CDH4: variants seen among roughly 807,000 people sequenced by gnomAD.
The protein encoded by CDH4 is cadherin-4.
A neutral mutation model predicts 86.0 loss-of-function variants in CDH4; 33 were observed. The ratio of observed to expected loss-of-function variants is 0.38; its 90% CI spans 0.29 to 0.51. The LOEUF is 0.51. CDH4 is among the 20% of genes least tolerant of loss of function. CDH4 has a pLI of 0.86. For synonymous variants in CDH4, 555 were observed against 549.4 expected (o/e 1.01, Z -0.14); for missense variants, 1,114 against 1,307.4 (o/e 0.85, Z 2.28).
intron 2 of CDH4, among the ~76,000 whole-genome samples, chr20:61,696,617 G>A (rs1439943723): frequency 6.6e-6 from 1 of 152,202 alleles, no homozygotes; most frequent in Non-Finnish European, 1.5e-5. Flanking sequence ...GAGGCTTGAG[G>A]GGGTACTCTG....
intron 2 of CDH4, among the ~76,000 whole-genome samples, chr20:61,474,795 T>C (rs1351401025): frequency 6.6e-6 from 1 of 152,234 alleles, no homozygotes; most frequent in Non-Finnish European, 1.5e-5. Flanking sequence ...AAATCCCTGC[T>C]GTGGCAGATG....
In CDH4 at chr20:61,934,190, C is replaced by G; in HGVS notation, c.2514C>G (p.His838Gln). 1 of 1,581,286 alleles carries G rather than the reference C, an allele frequency of 6.3e-7. No homozygotes were observed. The highest frequency in any genetic ancestry group is 1.1e-5 in the South Asian group (1 of 88,542). ...PQYPIRPMVP[H>Q]PGDIGDFINE... The stretch of plus-strand genomic sequence containing the variant: ...ACCCGATCAGGCCCATGGTGCCGCA[C>G]CCAGGCGACATCGGTGACTTCATCA... Residue 838 changes from histidine to glutamine, a missense_variant, in exon 15 of 16, where the codon CAC becomes CAG. Around this residue, in one of 3 missense-constraint regions of CDH4, gnomAD observed 188 missense variants for 183.8 expected, o/e 1.02. Coordinates refer to ENST00000614565, the MANE Select transcript of CDH4 (RefSeq NM_001794.5).
intron 4 of CDH4, 76 bp from the exon 5 acceptor site, chr20:61,844,592 G>C (rs966368562): frequency 2.6e-5 from 37 of 1,404,772 alleles, no homozygotes; most frequent in Non-Finnish European, 3.6e-5. Flanking sequence ...CATGAGAGGG[G>C]ATGAATGTCA....
Position 61,852,326 on chromosome 20 carries a change from G to A in CDH4, c.733-428G>A, listed in dbSNP as rs118146164. ...TCCCCTGGGGACTAACCTTACAGTGGCAGGAGTTAAGCCCCCGCCCAATTA... is the reference window on the plus strand; with the variant it reads ...TCCCCTGGGGACTAACCTTACAGTGACAGGAGTTAAGCCCCCGCCCAATTA... On this transcript the variant is annotated intron_variant, in intron 5 of 15. Transcript: ENST00000614565. 9.2e-5 allele frequency among the ~76,000 whole-genome samples: 14 copies of A among 152,356 alleles called. No individual in the cohort carries two copies. The East Asian group carries it at 2.7e-3, about 29-fold the overall frequency.
rs574738225 is a variant in CDH4, at chr20:61,588,142, G to T, written c.170-155421G>T. Among the ~76,000 whole-genome samples the T allele has an allele frequency of 1.3e-4, 20 of 152,280 alleles. No homozygotes were observed. In the South Asian group the frequency reaches 3.3e-3, roughly 25 times the overall value. ...CTTAGCCAAGCGCTTAGCCTGCCAC[G>T]ACCCTTCTGGAAATGTTACCTGTTA... On this transcript the variant is annotated intron_variant, in intron 2 of 15. Coordinates refer to ENST00000614565, the MANE Select transcript of CDH4 (RefSeq NM_001794.5).
At chr20:61,521,360 A>T (rs1283833806) in intron 2 of CDH4, among the ~76,000 whole-genome samples, 1 of 152,144 alleles carries the variant, frequency 6.6e-6, no homozygotes, top group Non-Finnish European at 1.5e-5. Context: ...TCACTTGGGG[A>T]GTATATTTTA....
intron 2 of CDH4, among the ~76,000 whole-genome samples, chr20:61,396,389 G>A (rs764064566): frequency 6.6e-5 from 10 of 152,138 alleles, no homozygotes; most frequent in South Asian, 4.1e-4. Flanking sequence ...CATGGAGCTC[G>A]GCAAGAGGCT....
chr20:61,890,703 T>C (rs1408209188), intron 7 of CDH4, among the ~76,000 whole-genome samples: 1 of 152,194 alleles, frequency 6.6e-6, no homozygotes, highest in Non-Finnish European at 1.5e-5. Flanking sequence ...CAAAGTAGGA[T>C]ATAGCACCCA....
intron 2 of CDH4, among the ~76,000 whole-genome samples, chr20:61,362,001 T>C (rs1263829788): frequency 6.6e-6 from 1 of 152,232 alleles, no homozygotes; most frequent in Admixed American, 6.5e-5. Flanking sequence ...GACCAGCAAG[T>C]GTCTTGCCCA....
chr20:61,671,363 G>T (rs1420419647), intron 2 of CDH4, among the ~76,000 whole-genome samples: 1 of 152,178 alleles, frequency 6.6e-6, no homozygotes, highest in African/African-American at 2.4e-5. Flanking sequence ...GGGCACAGTG[G>T]CACACACCTG....
chr20:61,720,466 A>G (rs947777782), intron 2 of CDH4, among the ~76,000 whole-genome samples: 1 of 104,942 alleles, frequency 9.5e-6, no homozygotes, highest in Non-Finnish European at 1.9e-5. Context: ...GGAGGGGTGA[A>G]GGGGTGGAGA....
chr20:61,608,819 C>T (rs760860672), intron 2 of CDH4, among the ~76,000 whole-genome samples: 15 of 152,246 alleles, frequency 9.9e-5, no homozygotes, highest in Admixed American at 5.2e-4. Flanking sequence ...ATCAGCCAAA[C>T]GCGGGGTGGT....
chr20:61,655,686 A>AG (rs1370976574), intron 2 of CDH4, among the ~76,000 whole-genome samples: 32 of 152,324 alleles, frequency 2.1e-4, no homozygotes, highest in African/African-American at 7.7e-4. Flanking sequence ...CAGCTCTGAA[A>AG]GCAGCCTCCG....
rs2088525326 is a variant in CDH4 at position 61,753,693 on chromosome 20, A to G, written c.396+9904A>G. On this transcript the variant is annotated intron_variant, in intron 3 of 15. Transcript: ENST00000614565. ...ATAGGACCTGTGGGTATGGTTTGCA[A>G]AAAAAGAAACTGTTGTTTATGAAAC... is the stretch of plus-strand genomic sequence containing the variant. Among the ~76,000 whole-genome samples, 8 of 152,322 alleles carry G rather than the reference A, an allele frequency of 5.3e-5. No individual in the cohort carries two copies. The South Asian group carries it at 1.7e-3, about 32-fold the overall frequency.
At chr20:61,325,330 C>G (rs2084531182) in intron 2 of CDH4, among the ~76,000 whole-genome samples, 1 of 152,102 alleles carries the variant, frequency 6.6e-6, no homozygotes. Context: ...GGCCGTAAGG[C>G]AAATCCAAAG....
At chr20:61,379,467 A>T (rs2145444779) in intron 2 of CDH4, among the ~76,000 whole-genome samples, 1 of 152,290 alleles carries the variant, frequency 6.6e-6, no homozygotes, top group Non-Finnish European at 1.5e-5. Context: ...AAGTTAATCC[A>T]ACATCCGAAT....
chr20:61,670,159 G>A, intron 2 of CDH4, among the ~76,000 whole-genome samples: 1 of 152,186 alleles, frequency 6.6e-6, no homozygotes, highest in East Asian at 1.9e-4. Context: ...GACATGCAGG[G>A]AAATATGGAT....
intron 11 of CDH4, 75 bp downstream of exon 11, chr20:61,924,551 C>A: frequency 6.6e-7 from 1 of 1,522,612 alleles, no homozygotes; most frequent in Non-Finnish European, 8.9e-7. Flanking sequence ...AGGGAGGGTG[C>A]TGGCCAGGGA....
chr20:61,364,710 G>A (rs1470267060), intron 2 of CDH4, among the ~76,000 whole-genome samples: 2 of 152,212 alleles, frequency 1.3e-5, no homozygotes, highest in East Asian at 1.9e-4. Context: ...TCTGACCTCT[G>A]TCTTGCTTCT....
Sources: gnomAD v4.1 joint callset for allele counts (sites outside exome capture counted in the v4.1 genomes callset) on GRCh38, gnomAD v4.1.1 for gene constraint, gnomAD v4.1.1 regional missense constraint, MANE v1.5 for transcripts, NCBI Gene and HGNC (gene_info 2026-07-23, HGNC 2026-07-21) for gene names.